Variants in KIF6 observed in about 807,000 individuals in gnomAD.
KIF6 encodes kinesin family member 6.
A neutral mutation model predicts 112.7 loss-of-function variants in KIF6; 106 were observed. The ratio of observed to expected loss-of-function variants is 0.94; its 90% CI spans 0.80 to 1.11. The LOEUF (loss-of-function observed/expected upper bound fraction) is 1.11. Among genes scored for constraint, KIF6 ranks in the 50% least tolerant of loss-of-function variants. KIF6 has a pLI of 0.00. For missense variants in KIF6, 929 were observed against 964.0 expected (o/e 0.96, Z 0.48); for synonymous variants, 339 against 339.9 (o/e 1.00, Z 0.03).
At chr6:39,536,724 C>T (rs1332775030) in intron 13 of KIF6, among the ~76,000 whole-genome samples, 5 of 151,522 alleles carry the variant, frequency 3.3e-5, no homozygotes, top group Admixed American at 2.6e-4. Context: ...ATGAGGCCAG[C>T]ATCATCCTGA....
At chr6:39,678,255 G>C (rs186000804) in intron 3 of KIF6, among the ~76,000 whole-genome samples, 5 of 151,950 alleles carry the variant, frequency 3.3e-5, no homozygotes, top group African/African-American at 1.2e-4. Flanking sequence ...GATTCCTCAG[G>C]GATCTAGAAC....
At chr6:39,668,308 T>A (rs1390334210) in intron 3 of KIF6, among the ~76,000 whole-genome samples, 1 of 152,248 alleles carries the variant, frequency 6.6e-6, no homozygotes, top group Non-Finnish European at 1.5e-5. Context: ...TGTTCAACTG[T>A]ACCTTAAATA....
At chr6:39,682,338 T>C (rs1004295198) in intron 3 of KIF6, among the ~76,000 whole-genome samples, 4 of 152,208 alleles carry the variant, frequency 2.6e-5, no homozygotes, top group Non-Finnish European at 5.9e-5. Flanking sequence ...GCTCCTAAGG[T>C]ACAAACATGT....
rs1163531640 is a variant in KIF6, at chr6:39,335,321, C to A, written c.*1211G>T. 1 of 152,074 alleles carries A rather than the reference C, an allele frequency of 6.6e-6. No homozygotes were observed. Among genetic ancestry groups the A allele is most frequent in the East Asian group, 1.9e-4 (1 of 5,192 alleles). The allele number at this position is 152,074 out of a possible 1,614,324, so 9.4% of individuals were successfully genotyped here. On this transcript the variant is annotated 3_prime_UTR_variant, in exon 23 of 23. Coordinates refer to ENST00000287152, the MANE Select transcript of KIF6 (RefSeq NM_145027.6). ...AAGCTGAATCTCCCCTTCACTCTGGCCTTCTAATTATATAAAATAGGGGTG... is the reference window on the plus strand; with the variant it reads ...AAGCTGAATCTCCCCTTCACTCTGGACTTCTAATTATATAAAATAGGGGTG...
At chr6:39,561,241 T>C (rs1779989868) in intron 10 of KIF6, among the ~76,000 whole-genome samples, 1 of 152,202 alleles carries the variant, frequency 6.6e-6, no homozygotes, top group Non-Finnish European at 1.5e-5. Flanking sequence ...TCCTACACAC[T>C]AAATTATTAC....
chr6:39,592,882 G>C (rs142430864), intron 7 of KIF6, among the ~76,000 whole-genome samples: 146 of 152,272 alleles, frequency 9.6e-4, no homozygotes, highest in Middle Eastern at 3.4e-3. Flanking sequence ...GGCCAAAAGA[G>C]TAATTATAAT....
intron 3 of KIF6, among the ~76,000 whole-genome samples, chr6:39,657,609 T>C (rs1785879080): frequency 6.6e-6 from 1 of 152,216 alleles, no homozygotes; most frequent in Non-Finnish European, 1.5e-5. Context: ...GCAAGTAAAG[T>C]AAATATCACA....
intron 6 of KIF6, among the ~76,000 whole-genome samples, chr6:39,600,041 C>G (rs1782489965): frequency 6.6e-6 from 1 of 152,108 alleles, no homozygotes; most frequent in African/African-American, 2.4e-5. Flanking sequence ...CCTCAGAAAA[C>G]ATTCTTTATG....
intron 5 of KIF6, among the ~76,000 whole-genome samples, chr6:39,617,223 A>T (rs1167552119): frequency 6.6e-6 from 1 of 152,178 alleles, no homozygotes; most frequent in Non-Finnish European, 1.5e-5. Flanking sequence ...AATGATGGGG[A>T]AGAAGCAAGC....
chr6:39,506,011 C>A (rs773565132), intron 13 of KIF6, among the ~76,000 whole-genome samples: 5 of 152,012 alleles, frequency 3.3e-5, no homozygotes, highest in Non-Finnish European at 7.4e-5. Flanking sequence ...GGGTATATAC[C>A]CAAAGGAATA....
intron 16 of KIF6, among the ~76,000 whole-genome samples, chr6:39,379,523 G>C (rs1016220768): frequency 2.6e-5 from 4 of 152,128 alleles, no homozygotes; most frequent in Admixed American, 1.3e-4. Flanking sequence ...TACAAAATAG[G>C]GTTGGTGCTT....
intron 13 of KIF6, among the ~76,000 whole-genome samples, chr6:39,463,414 T>A (rs1773596898): frequency 6.6e-6 from 1 of 152,224 alleles, no homozygotes. Context: ...TAAAATAATA[T>A]GTTCTTTGTA....
At chr6:39,477,600 C>T (rs572493727) in intron 13 of KIF6, among the ~76,000 whole-genome samples, 10 of 152,296 alleles carry the variant, frequency 6.6e-5, no homozygotes, top group South Asian at 2.1e-4. Flanking sequence ...CGGTGGCTCA[C>T]GCCTGTAATC....
chr6:39,641,023 T>C (rs1784871869), intron 3 of KIF6, among the ~76,000 whole-genome samples: 1 of 152,122 alleles, frequency 6.6e-6, no homozygotes, highest in Non-Finnish European at 1.5e-5. Context: ...ATGGAGACAA[T>C]ATACTGTTGA....
intron 13 of KIF6, among the ~76,000 whole-genome samples, chr6:39,456,799 T>C (rs1773143703): frequency 7.6e-6 from 1 of 130,752 alleles, no homozygotes. Flanking sequence ...GGTAAAGGGA[T>C]CAATTCAACA....
intron 3 of KIF6, among the ~76,000 whole-genome samples, chr6:39,679,604 CTTTTCTTTTCTTTTTTTTT>C (rs1214196802): frequency 7.5e-6 from 1 of 132,924 alleles, no homozygotes; most frequent in Non-Finnish European, 1.6e-5. Context: ...GGCAGGGTTT[CTTTTCTTTTCTTTTTTTTT>C]TTTTTTTTTT....
At chr6:39,706,100 C>T (rs1789193150) in intron 3 of KIF6, among the ~76,000 whole-genome samples, 1 of 152,202 alleles carries the variant, frequency 6.6e-6, no homozygotes. Flanking sequence ...CAGTAATTTT[C>T]ACCCCTTGCA....
At chr6:39,578,216 G>T in intron 9 of KIF6, 57 bp from the exon 10 acceptor site, 7 of 1,120,374 alleles carry the variant, frequency 6.2e-6, no homozygotes, top group Admixed American at 3.4e-5. Context: ...TGAACTTGGT[G>T]ACAGAGAACA....
intron 3 of KIF6, among the ~76,000 whole-genome samples, chr6:39,651,243 C>A (rs1785454444): frequency 6.6e-6 from 1 of 152,172 alleles, no homozygotes; most frequent in Non-Finnish European, 1.5e-5. Flanking sequence ...CTTCTGGGTC[C>A]TCCAGCCATC....
Sources: gnomAD v4.1 joint callset for allele counts (sites outside exome capture counted in the v4.1 genomes callset) on GRCh38, gnomAD v4.1.1 for gene constraint, MANE v1.5 for transcripts, NCBI Gene and HGNC (gene_info 2026-07-23, HGNC 2026-07-21) for gene names.